KHNYN: variants seen among roughly 807,000 people sequenced by gnomAD.
KHNYN encodes the protein KH and NYN domain containing, also known as protein KHNYN.
Under a neutral mutation model 62.7 loss-of-function variants are expected in KHNYN, and 42 were observed. That is an observed-to-expected ratio of 0.67 (90% confidence interval 0.52 to 0.87). The LOEUF (loss-of-function observed/expected upper bound fraction) is 0.87, where lower values mean the gene tolerates loss of function less well. Among genes scored for constraint, KHNYN ranks in the 40% least tolerant of loss-of-function variants. The pLI, the probability that KHNYN is intolerant of heterozygous loss-of-function variation, is 0.00. For synonymous variants in KHNYN, 347 were observed against 345.6 expected (o/e 1.00, Z -0.04); for missense variants, 829 against 874.1 (o/e 0.95, Z 0.65).
Position 24,432,291 on chromosome 14 carries a change from C to T in KHNYN, c.1030C>T (p.Leu344Phe). The T allele has an allele frequency of 6.2e-7, 1 of 1,613,974 alleles. No homozygotes were observed. Among genetic ancestry groups the T allele is most frequent in the Non-Finnish European group, 8.5e-7 (1 of 1,179,912 alleles). The change falls in exon 3 of 8, where the codon CTC (leucine) becomes TTC (phenylalanine). Residue 344 changes from leucine to phenylalanine, a missense_variant. Leu to Phe is a conservative substitution (Grantham distance 22). Coordinates refer to ENST00000553935, the MANE Select transcript of KHNYN (RefSeq NM_015299.3). This position sits in a 1 kb window ranked among gnomAD's most constrained non-coding sequence, Gnocchi z 5.6. ...RAAQSRGASL[L>F]QRLHNGNASP... The stretch of plus-strand genomic sequence containing the variant: ...AGCTCAGTCCCGAGGAGCCTCCCTC[C>T]TCCAGCGGCTCCACAATGGGAATGC...
intron 2 of KHNYN, among the ~76,000 whole-genome samples, chr14:24,431,184 A>G (rs866654874): frequency 6.6e-6 from 1 of 152,200 alleles, no homozygotes; most frequent in Admixed American, 6.5e-5. Flanking sequence ...CTTTGGGAGA[A>G]TAGAGATATC....
In KHNYN at chr14:24,430,005, G is replaced by C; in HGVS notation, c.-132G>C. 16 of 985,980 alleles carry C rather than the reference G, an allele frequency of 1.6e-5. No homozygotes were observed. The highest frequency in any genetic ancestry group is 1.9e-5 in the Non-Finnish European group (16 of 830,130). 61.1% of individuals were successfully genotyped at this position (985,980 alleles called of 1,614,324 possible). On this transcript the variant is annotated 5_prime_UTR_variant, in exon 1 of 8. Coordinates refer to ENST00000553935, the MANE Select transcript of KHNYN (RefSeq NM_015299.3). ...GGTCCCCGCTGGGTGAGGAACCCGGGAAGGCCCGCCCAGATTCGGGCCCCC... is the reference window on the plus strand; with the variant it reads ...GGTCCCCGCTGGGTGAGGAACCCGGCAAGGCCCGCCCAGATTCGGGCCCCC...
rs781743956 is a variant in KHNYN at position 24,432,522 on chromosome 14, C to T, written c.1261C>T (p.Gln421Ter). 2 of 1,613,684 alleles carry T rather than the reference C, an allele frequency of 1.2e-6. No individual in the cohort carries two copies. Among genetic ancestry groups the T allele is most frequent in the Non-Finnish European group, 1.7e-6 (2 of 1,179,818 alleles). ...TGTQRFKEAL[Q>*]DPFTLCLANV... Reference sequence around the variant, plus strand: ...CACACAGCGTTTCAAGGAGGCCCTGCAGGATCCTTTCACCCTGTGCCTTGC... The same window carrying T: ...CACACAGCGTTTCAAGGAGGCCCTGTAGGATCCTTTCACCCTGTGCCTTGC... The change falls in exon 3 of 8, where the codon CAG becomes TAG. Residue 421 changes from glutamine to a stop codon, truncating the protein, a stop_gained. Transcript: ENST00000553935. LOFTEE classifies it high-confidence loss of function. The surrounding 1 kb of genome is among the most constrained non-coding windows in gnomAD (Gnocchi z 5.6).
At position 24,431,981 on chromosome 14, in the gene KHNYN, G is replaced by T; in HGVS notation, c.720G>T (p.Met240Ile). The change falls in exon 3 of 8, where the codon ATG becomes ATT. Residue 240 changes from methionine to isoleucine, a missense_variant. Coordinates refer to ENST00000553935, the MANE Select transcript of KHNYN (RefSeq NM_015299.3). Reference protein sequence around the residue: ...DGRESLDTGSMGPGDCRGARG... With the variant: ...DGRESLDTGSIGPGDCRGARG... ...GGGAGTCCCTGGACACTGGATCTAT[G>T]GGACCCGGAGATTGCAGGGGAGCAA... The T allele has an allele frequency of 6.2e-7, 1 of 1,612,158 alleles. No homozygotes were observed. The highest frequency in any genetic ancestry group is 8.5e-7 in the Non-Finnish European group (1 of 1,178,658).
chr14:24,428,872 TC>T, upstream of KHNYN: 4 of 1,605,638 alleles, frequency 2.5e-6, no homozygotes, highest in Admixed American at 1.7e-5. Context: ...CCAGGGCTGC[TC>T]CCCCGGGCCC....
In KHNYN at chr14:24,430,066, C is replaced by T. The variant is rs2043075587; in HGVS notation, c.-71C>T. The T allele has an allele frequency of 1.0e-6, 1 of 985,330 alleles. No individual in the cohort carries two copies. Among genetic ancestry groups the T allele is most frequent in the Non-Finnish European group, 1.2e-6 (1 of 829,912 alleles). The allele number at this position is 985,330 out of a possible 1,614,324, so 61.0% of individuals were successfully genotyped here. On this transcript the variant is annotated 5_prime_UTR_variant, in exon 1 of 8. Transcript: ENST00000553935. ...CCCTGGGCTGGGGGCGCGGGCAAAG[C>T]GGGGGCCTGGCGGGCGCTGAGAGGA...
chr14:24,440,055 C>T lies in KHNYN; in HGVS notation c.*2770C>T, dbSNP rs1253621911. 9 of 1,550,432 alleles carry T rather than the reference C, an allele frequency of 5.8e-6. No individual in the cohort carries two copies. In the African/African-American group the frequency reaches 1.2e-4, roughly 21 times the overall value. On this transcript the variant is annotated 3_prime_UTR_variant, in exon 8 of 8. Coordinates refer to ENST00000553935, the MANE Select transcript of KHNYN (RefSeq NM_015299.3). ...GCCTAACCTGGAAGCCTGTGAGGAA[C>T]AGGCCTCAGGCCCTTGCCACGACCT...
Position 24,440,290 on chromosome 14 carries a change from A to G in KHNYN, c.*3005A>G. The stretch of plus-strand genomic sequence containing the variant: ...CACCCAAGGTCTGGGCAAACTCAGC[A>G]TTAGTGGCGGAGGATGGAGCCACTC... On this transcript the variant is annotated 3_prime_UTR_variant, in exon 8 of 8. Coordinates refer to ENST00000553935, the MANE Select transcript of KHNYN (RefSeq NM_015299.3). 1.2e-6 allele frequency: 2 copies of G among 1,614,032 alleles called. No homozygotes were observed. Among genetic ancestry groups the G allele is most frequent in the South Asian group, 1.1e-5 (1 of 91,088 alleles).
At chr14:24,435,602 G>A (rs1594757644) in intron 5 of KHNYN, 1 of 161,872 alleles carries the variant, frequency 6.2e-6, no homozygotes, top group East Asian at 1.8e-4. Flanking sequence ...GGAAAGGCAT[G>A]TTGGATTTGC....
Position 24,430,814 on chromosome 14 carries a change from G to GC in KHNYN, c.88dup (p.His30ProfsTer52). 5 of 1,612,246 alleles carry GC rather than the reference G, an allele frequency of 3.1e-6. No individual in the cohort carries two copies. The highest frequency in any genetic ancestry group is 4.2e-6 in the Non-Finnish European group (5 of 1,179,254). On this transcript the variant is annotated frameshift_variant, in exon 2 of 8. Coordinates refer to ENST00000553935, the MANE Select transcript of KHNYN (RefSeq NM_015299.3). LOFTEE classifies it high-confidence loss of function. ...CTGAGAACAAGGTTCGGGAACAGCA[G>GC]CCCCATGTGGAGCGCATCTTCAGCG...
Position 24,437,103 on chromosome 14 carries a change from G to A in KHNYN, c.1855G>A (p.Gly619Arg). 2 of 1,614,218 alleles carry A rather than the reference G, an allele frequency of 1.2e-6. No individual in the cohort carries two copies. Among genetic ancestry groups the A allele is most frequent in the South Asian group, 1.1e-5 (1 of 91,080 alleles). ...TGCAGAACATGGTAAACAGCAGCAGGGGAGAGAAGAGGAAAAAGGTAGTGG... is the reference window on the plus strand; with the variant it reads ...TGCAGAACATGGTAAACAGCAGCAGAGGAGAGAAGAGGAAAAAGGTAGTGG... ...GFAEHGKQQQ[G>R]REEEKGSGGI... Residue 619 changes from glycine (G) to arginine (R), a missense_variant, in exon 8 of 8, where the codon GGG becomes AGG. Gly to Arg is a moderately radical substitution (Grantham distance 125). Transcript: ENST00000553935. This position sits in a 1 kb window ranked among gnomAD's most constrained non-coding sequence, Gnocchi z 5.5.
Position 24,441,546 on chromosome 14 carries a change from T to C in KHNYN, c.*4261T>C. On this transcript the variant is annotated 3_prime_UTR_variant, in exon 8 of 8. Coordinates refer to ENST00000553935, the MANE Select transcript of KHNYN (RefSeq NM_015299.3). ...ACACAAAGGTTAGGAGAAACATGCA[T>C]GGATCAAGGGCCTAGGAAGTCATTT... 2 of 726,754 alleles carry C rather than the reference T, an allele frequency of 2.8e-6. No homozygotes were observed. The highest frequency in any genetic ancestry group is 4.3e-6 in the Non-Finnish European group (2 of 464,184). 45.0% of individuals were successfully genotyped at this position (726,754 alleles called of 1,614,324 possible). A position where few individuals can be genotyped will look rare whatever the true frequency, so the allele number is the denominator to read the frequency against.
chr14:24,440,866 T>C lies in KHNYN; in HGVS notation c.*3581T>C. The C allele has an allele frequency of 4.3e-6, 7 of 1,613,954 alleles. No homozygotes were observed. The highest frequency in any genetic ancestry group is 1.1e-5 in the South Asian group (1 of 91,080). On this transcript the variant is annotated 3_prime_UTR_variant, in exon 8 of 8. Transcript: ENST00000553935. ...TTTGGTTACGAGGTTGGAGAAAAAG[T>C]CAAAGTCCCCTCCTGGGCTGTCTTC...
chr14:24,435,496 A>G (rs1391078982), intron 5 of KHNYN: 8 of 153,192 alleles, frequency 5.2e-5, no homozygotes, highest in African/African-American at 1.9e-4. Context: ...CCCCCTTGTT[A>G]GGAGGTTATG....
At chr14:24,429,817 G>C (rs2043070552), upstream of KHNYN, 1 of 1,062,360 alleles carries the variant, frequency 9.4e-7, no homozygotes, top group South Asian at 2.5e-5. Flanking sequence ...CAAGGGGCGA[G>C]CCCTGGAGCC....
chr14:24,429,581 C>T (rs2139373777), upstream of KHNYN: 3 of 654,144 alleles, frequency 4.6e-6, no homozygotes, highest in Non-Finnish European at 6.6e-6. Flanking sequence ...CCACGGGTAC[C>T]CTCCGCCTCC....
At position 24,432,177 on chromosome 14, in the gene KHNYN, G is replaced by A; in HGVS notation, c.916G>A (p.Ala306Thr). 6.4e-7 allele frequency: 1 copy of A among 1,570,504 alleles called. No individual in the cohort carries two copies. Among genetic ancestry groups the A allele is most frequent in the Non-Finnish European group, 8.6e-7 (1 of 1,156,566 alleles). The stretch of plus-strand genomic sequence containing the variant: ...GGAGTCAGCACCCCTGAAAGGGAAG[G>A]CCCTGGGGAAGGAGGAGATAGCTCT... ...ARESAPLKGK[A>T]LGKEEIALGG... Residue 306 changes from alanine (A) to threonine (T), a missense_variant, in exon 3 of 8, where the codon GCC (alanine) becomes ACC (threonine). Ala to Thr is a moderately conservative substitution (Grantham distance 58). This residue lies in a region of KHNYN where 559 missense variants were observed against 527.0 expected (regional missense o/e 1.06). Coordinates refer to ENST00000553935, the MANE Select transcript of KHNYN (RefSeq NM_015299.3). The surrounding 1 kb of genome is among the most constrained non-coding windows in gnomAD (Gnocchi z 5.6).
chr14:24,431,809 C>T lies in KHNYN; in HGVS notation c.548C>T (p.Pro183Leu). 6.2e-7 allele frequency: 1 copy of T among 1,614,016 alleles called. No homozygotes were observed. The highest frequency in any genetic ancestry group is 1.1e-5 in the South Asian group (1 of 91,080). ...CATAGAGAGGCTCTGTTGCAGTTGC[C>T]CCTGGCTGTCCAGGAGGAGCTGCTG... ...DAHREALLQL[P>L]LAVQEELLSL... Residue 183 changes from proline to leucine, a missense_variant, in exon 3 of 8, where the codon CCC (proline) becomes CTC (leucine). Pro to Leu is a moderately conservative substitution (Grantham distance 98). Coordinates refer to ENST00000553935, the MANE Select transcript of KHNYN (RefSeq NM_015299.3).
At chr14:24,436,907 GCTTCAGGAA>G in intron 7 of KHNYN, 120 bp from the exon 8 acceptor site, 1 of 1,265,460 alleles carries the variant, frequency 7.9e-7, no homozygotes, top group Non-Finnish European at 1.1e-6. Flanking sequence ...TCAGTGGTCA[GCTTCAGGAA>G]CTTCAGGATT....
Sources: allele counts gnomAD v4.1 joint callset (sites outside exome capture counted in the v4.1 genomes callset), GRCh38; gene constraint gnomAD v4.1.1; regional missense constraint gnomAD v4.1.1; non-coding constraint Gnocchi (gnomAD v3.1); transcripts MANE v1.5; gene names NCBI Gene and HGNC (gene_info 2026-07-23, HGNC 2026-07-21).